Variants in FRMD4A observed in about 807,000 individuals in gnomAD.
FRMD4A encodes the protein FERM domain containing 4A.
Under a neutral mutation model 129.1 loss-of-function variants are expected in FRMD4A, and 29 were observed. The ratio of observed to expected loss-of-function variants is 0.22; its 90% confidence interval spans 0.17 to 0.31. FRMD4A has a LOEUF of 0.31. Among genes scored for constraint, FRMD4A ranks in the 10% least tolerant of loss-of-function variants. The pLI, the probability that FRMD4A is intolerant of heterozygous loss-of-function variation, is 1.00. For missense variants in FRMD4A, 1,272 were observed against 1,375.8 expected (o/e 0.92, Z 1.19); for synonymous variants, 634 against 571.6 (o/e 1.11, Z -1.56).
At chr10:14,247,483 A>C (rs1415690476) in intron 2 of FRMD4A, among the ~76,000 whole-genome samples, 1 of 152,196 alleles carries the variant, frequency 6.6e-6, no homozygotes, top group African/African-American at 2.4e-5. Flanking sequence ...GTAGGTTAAC[A>C]TACAGATAGG....
intron 2 of FRMD4A, among the ~76,000 whole-genome samples, chr10:14,281,022 C>T (rs1022909845): frequency 2.6e-5 from 2 of 76,040 alleles, no homozygotes; most frequent in African/African-American, 5.8e-5. Context: ...AACGGAGTTT[C>T]GATCTTGTTG....
intron 12 of FRMD4A, among the ~76,000 whole-genome samples, chr10:13,723,524 C>T (rs571941311): frequency 3.2e-4 from 49 of 152,216 alleles, no homozygotes; most frequent in African/African-American, 1.1e-3. Flanking sequence ...AGATCTGTTG[C>T]GCAATGATGG....
intron 2 of FRMD4A, among the ~76,000 whole-genome samples, chr10:14,000,681 A>G (rs2095639533): frequency 7.5e-6 from 1 of 133,798 alleles, no homozygotes; most frequent in Non-Finnish European, 1.6e-5. Flanking sequence ...GAAGAAAGCT[A>G]TGTCCCCTTT....
chr10:14,012,368 A>G (rs1369645713), intron 2 of FRMD4A, among the ~76,000 whole-genome samples: 1 of 152,130 alleles, frequency 6.6e-6, no homozygotes, highest in Non-Finnish European at 1.5e-5. Flanking sequence ...TTGCATTAAA[A>G]CCCTGGAAGG....
At chr10:13,879,986 CT>C (rs1479703455) in intron 2 of FRMD4A, among the ~76,000 whole-genome samples, 1 of 151,906 alleles carries the variant, frequency 6.6e-6, no homozygotes, top group Non-Finnish European at 1.5e-5. Context: ...AAGTTTGGTG[CT>C]TATGCATTTT....
At chr10:14,218,941 G>A (rs1244875288) in intron 2 of FRMD4A, among the ~76,000 whole-genome samples, 4 of 120,660 alleles carry the variant, frequency 3.3e-5, no homozygotes, top group Non-Finnish European at 6.5e-5. Flanking sequence ...GGCAACAAGA[G>A]TGAGACTTCA....
intron 15 of FRMD4A, chr10:13,693,677 T>C (rs1372841675): frequency 1.5e-6 from 1 of 679,974 alleles, no homozygotes; most frequent in Non-Finnish European, 2.5e-6. Flanking sequence ...TGCGTGGTTC[T>C]ACTGATGCTT....
intron 2 of FRMD4A, among the ~76,000 whole-genome samples, chr10:14,260,297 C>T (rs758117780): frequency 2.0e-5 from 3 of 152,090 alleles, no homozygotes; most frequent in Non-Finnish European, 4.4e-5. Flanking sequence ...ATCTATTTAT[C>T]CTTGAGTAAA....
chr10:13,681,453 G>T lies in FRMD4A; in HGVS notation c.1118-6409C>A, dbSNP rs1419224076. The stretch of plus-strand genomic sequence containing the variant: ...AAGGTTATTGATTGAGAAAACAGTA[G>T]CTAAGTGCTACCTGGAAAGGGTTGT... On this transcript the variant is annotated intron_variant, in intron 15 of 24. Coordinates refer to ENST00000357447, the MANE Select transcript of FRMD4A (RefSeq NM_018027.5). 2.7e-5 allele frequency among the ~76,000 whole-genome samples: 4 copies of T among 147,502 alleles called. No homozygotes were observed. In the Admixed American group the frequency reaches 2.7e-4, roughly 10 times the overall value.
At chr10:13,797,093 T>C (rs7079738) in intron 4 of FRMD4A, among the ~76,000 whole-genome samples, 6,474 of 152,204 alleles carry the variant, frequency 0.043, 433 homozygotes, top group African/African-American at 0.14. Flanking sequence ...GAGTCAGCAG[T>C]GGATACTGTG....
chr10:13,866,321 C>T lies in FRMD4A; in HGVS notation c.46-7409G>A, dbSNP rs191899863. ...AAACCACAGGACACCCTGAGGATGT[C>T]GGATGCGGGACAGCAGCCCCTCATG... On this transcript the variant is annotated intron_variant, in intron 2 of 24. Transcript: ENST00000357447. 208 of 970,456 alleles carry T rather than the reference C, an allele frequency of 2.1e-4. 2 individuals are homozygous for T. In the African/African-American group the frequency reaches 3.0e-3, roughly 14 times the overall value. 60.1% of individuals were successfully genotyped at this position (970,456 alleles called of 1,614,324 possible).
intron 2 of FRMD4A, among the ~76,000 whole-genome samples, chr10:13,939,136 C>T (rs2131304743): frequency 6.6e-6 from 1 of 152,298 alleles, no homozygotes; most frequent in Middle Eastern, 3.4e-3. Flanking sequence ...ACCATTGAAA[C>T]AGCTGCAGGG....
intron 2 of FRMD4A, among the ~76,000 whole-genome samples, chr10:14,063,903 A>C (rs1023122166): frequency 6.6e-6 from 1 of 152,198 alleles, no homozygotes; most frequent in African/African-American, 2.4e-5. Context: ...GCTCACTAAA[A>C]ATTAAGAATC....
intron 3 of FRMD4A, among the ~76,000 whole-genome samples, chr10:13,856,824 A>G (rs759769055): frequency 6.6e-6 from 1 of 152,198 alleles, no homozygotes; most frequent in Non-Finnish European, 1.5e-5. Flanking sequence ...GCTGGCCAAG[A>G]GATAGTTTCT....
chr10:13,770,032 A>G (rs549545436), intron 6 of FRMD4A, among the ~76,000 whole-genome samples: 7 of 152,118 alleles, frequency 4.6e-5, no homozygotes, highest in East Asian at 1.9e-4. Flanking sequence ...CTGTATATCT[A>G]TATATATCCT....
chr10:13,818,403 C>T (rs886484964), intron 3 of FRMD4A, among the ~76,000 whole-genome samples: 24 of 152,170 alleles, frequency 1.6e-4, no homozygotes, highest in Admixed American at 6.5e-5. Context: ...CTCCTGGCCT[C>T]AAGTGACCCT....
At chr10:13,669,011 C>G (rs1410502500) in intron 17 of FRMD4A, among the ~76,000 whole-genome samples, 1 of 149,852 alleles carries the variant, frequency 6.7e-6, no homozygotes, top group African/African-American at 2.5e-5. Context: ...GAAGTAAGGG[C>G]TATGAGCTCC....
intron 2 of FRMD4A, among the ~76,000 whole-genome samples, chr10:14,295,507 C>G (rs186944227): frequency 6.6e-6 from 1 of 152,330 alleles, no homozygotes; most frequent in Non-Finnish European, 1.5e-5. Context: ...TTCTTCATGT[C>G]TCCCAATTCC....
At chr10:14,169,294 C>T (rs1315373546) in intron 2 of FRMD4A, among the ~76,000 whole-genome samples, 2 of 152,060 alleles carry the variant, frequency 1.3e-5, no homozygotes, top group Non-Finnish European at 2.9e-5. Context: ...TCCGTGAATG[C>T]CTCCTGGTTC....
Sources: gnomAD v4.1 joint callset for allele counts (sites outside exome capture counted in the v4.1 genomes callset) on GRCh38, gnomAD v4.1.1 for gene constraint, MANE v1.5 for transcripts, NCBI Gene and HGNC (gene_info 2026-07-23, HGNC 2026-07-21) for gene names.